DUSP16: variants seen among roughly 807,000 people sequenced by gnomAD.
DUSP16 encodes the protein dual specificity protein phosphatase 16.
DUSP16 carries 21 observed loss-of-function variants against 58.3 expected under a neutral mutation model. The observed-to-expected ratio is 0.36, with a 90% CI of 0.26 to 0.52. DUSP16 has a LOEUF of 0.52. DUSP16 is among the 20% of genes least tolerant of loss of function. The probability of loss-of-function intolerance (pLI) is 0.94; values close to 1 mark genes in which losing one functional copy is unlikely to be tolerated. For synonymous variants in DUSP16, 320 were observed against 323.8 expected (o/e 0.99, Z 0.12); for missense variants, 726 against 819.0 (o/e 0.89, Z 1.39).
chr12:12,543,195 C>T (rs773239918), intron 1 of DUSP16, among the ~76,000 whole-genome samples: 11 of 152,152 alleles, frequency 7.2e-5, no homozygotes, highest in African/African-American at 2.2e-4. Flanking sequence ...CTGAAATACA[C>T]GTGTGGGCTA....
chr12:12,497,891 A>G (rs760717889), intron 4 of DUSP16, among the ~76,000 whole-genome samples: 6 of 152,042 alleles, frequency 3.9e-5, no homozygotes, highest in Non-Finnish European at 5.9e-5. Flanking sequence ...AATTGCTTGA[A>G]CACGGGAGGG....
intron 5 of DUSP16, among the ~76,000 whole-genome samples, chr12:12,484,279 A>C (rs199575236): frequency 1.2e-4 from 18 of 152,300 alleles, no homozygotes; most frequent in African/African-American, 4.3e-4. Context: ...TGAAATACTG[A>C]TAAGTATTTG....
chr12:12,551,348 C>T (rs1448989855), intron 1 of DUSP16, among the ~76,000 whole-genome samples: 2 of 148,948 alleles, frequency 1.3e-5, no homozygotes, highest in African/African-American at 4.9e-5. Flanking sequence ...ACTAAAAATA[C>T]AAAAAAAATC....
intron 1 of DUSP16, among the ~76,000 whole-genome samples, chr12:12,544,846 T>C (rs978169907): frequency 2.6e-5 from 4 of 152,212 alleles, no homozygotes; most frequent in African/African-American, 9.6e-5. Flanking sequence ...TTTCTTTTCA[T>C]ACAGATAGGC....
At chr12:12,526,791 G>A (rs1944314094) in intron 1 of DUSP16, among the ~76,000 whole-genome samples, 1 of 152,086 alleles carries the variant, frequency 6.6e-6, no homozygotes, top group Non-Finnish European at 1.5e-5. Flanking sequence ...GAAAAAAAGT[G>A]ATAATCGCTC....
intron 3 of DUSP16, among the ~76,000 whole-genome samples, chr12:12,511,276 T>C (rs1344133826): frequency 1.3e-5 from 2 of 151,976 alleles, no homozygotes; most frequent in African/African-American, 4.8e-5. Context: ...ACCGAAGAGG[T>C]TGGAAGAAAG....
Position 12,520,892 on chromosome 12 carries a change from G to A in DUSP16, c.207C>T (p.Ile69=), listed in dbSNP as rs773950926. 1.9e-6 allele frequency: 3 copies of A among 1,614,196 alleles called. No individual in the cohort carries two copies. Among genetic ancestry groups the A allele is most frequent in the Non-Finnish European group, 2.5e-6 (3 of 1,180,016 alleles). ...QQDKVLITEL[I]QHSAKHKVDI... is the part of the protein sequence containing the mutation. ...TTACCTTATGTTTCGCTGAATGCTGGATGAGCTCTGTAATTAACACTTTGT... is the reference window on the plus strand; with the variant it reads ...TTACCTTATGTTTCGCTGAATGCTGAATGAGCTCTGTAATTAACACTTTGT... Residue 69 remains isoleucine, a synonymous_variant, in exon 2 of 7, where the codon ATC becomes ATT. Coordinates refer to ENST00000298573, the MANE Select transcript of DUSP16 (RefSeq NM_030640.3).
intron 6 of DUSP16, among the ~76,000 whole-genome samples, chr12:12,479,483 C>T (rs1195794024): frequency 6.6e-6 from 1 of 152,120 alleles, no homozygotes; most frequent in Non-Finnish European, 1.5e-5. Flanking sequence ...TGCAGATGAC[C>T]AGAGGACCCA....
chr12:12,505,485 T>C (rs1279190290), intron 3 of DUSP16, among the ~76,000 whole-genome samples: 1 of 152,256 alleles, frequency 6.6e-6, no homozygotes, highest in Non-Finnish European at 1.5e-5. Context: ...GATGAACTGG[T>C]TGAAATGTAA....
intron 1 of DUSP16, among the ~76,000 whole-genome samples, chr12:12,548,630 CAAAAAAAAA>C (rs898316799): frequency 1.1e-4 from 7 of 63,378 alleles, no homozygotes; most frequent in African/African-American, 4.4e-4. Flanking sequence ...GACTCTGTCT[CAAAAAAAAA>C]AAAAAAAAGA....
chr12:12,483,350 C>T (rs941201164), intron 5 of DUSP16, among the ~76,000 whole-genome samples: 1 of 152,064 alleles, frequency 6.6e-6, no homozygotes, highest in Non-Finnish European at 1.5e-5. Flanking sequence ...GTTCAATGGA[C>T]ATTATCTATT....
At chr12:12,488,594 A>G (rs930101638) in intron 4 of DUSP16, among the ~76,000 whole-genome samples, 12 of 152,154 alleles carry the variant, frequency 7.9e-5, no homozygotes, top group African/African-American at 2.9e-4. Flanking sequence ...AGCCTGGAAT[A>G]ATTATCTTAG....
At chr12:12,502,585 CTT>C (rs1943925797) in intron 3 of DUSP16, among the ~76,000 whole-genome samples, 1 of 133,578 alleles carries the variant, frequency 7.5e-6, no homozygotes, top group Non-Finnish European at 1.6e-5. Context: ...AAGTTTTGCT[CTT>C]GTTGCCCAGG....
chr12:12,559,059 T>C (rs1478317431), intron 1 of DUSP16, among the ~76,000 whole-genome samples: 1 of 152,172 alleles, frequency 6.6e-6, no homozygotes, highest in Non-Finnish European at 1.5e-5. Flanking sequence ...TCGGCCAACC[T>C]TTATGAACCT....
At chr12:12,489,889 A>G (rs951250239) in intron 4 of DUSP16, among the ~76,000 whole-genome samples, 2 of 152,238 alleles carry the variant, frequency 1.3e-5, no homozygotes, top group African/African-American at 4.8e-5. Flanking sequence ...TAAGAAAATC[A>G]TATCTAACAT....
At chr12:12,528,623 C>A (rs1435828064) in intron 1 of DUSP16, among the ~76,000 whole-genome samples, 9 of 152,024 alleles carry the variant, frequency 5.9e-5, no homozygotes, top group Admixed American at 5.2e-4. Context: ...TTATTTGGCA[C>A]CTAATATGTG....
intron 4 of DUSP16, among the ~76,000 whole-genome samples, chr12:12,495,856 T>G (rs1013351464): frequency 6.6e-6 from 1 of 152,358 alleles, no homozygotes; most frequent in Non-Finnish European, 1.5e-5. Context: ...CAAAACACAC[T>G]GTATCTACTA....
At chr12:12,525,417 C>T (rs12809972) in intron 1 of DUSP16, among the ~76,000 whole-genome samples, 46,285 of 151,684 alleles carry the variant, frequency 0.31, 7,752 homozygotes, top group Non-Finnish European at 0.36. Context: ...TACAGGCATG[C>T]GCCACCACAC....
At chr12:12,511,971 A>G (rs1392098862) in intron 3 of DUSP16, among the ~76,000 whole-genome samples, 3 of 152,146 alleles carry the variant, frequency 2.0e-5, no homozygotes, top group Non-Finnish European at 4.4e-5. Context: ...CAGGATGGGG[A>G]ACCAAAGGAC....
Sources: gnomAD v4.1 joint callset for allele counts (sites outside exome capture counted in the v4.1 genomes callset) on GRCh38, gnomAD v4.1.1 for gene constraint, MANE v1.5 for transcripts, NCBI Gene and HGNC (gene_info 2026-07-23, HGNC 2026-07-21) for gene names.